The following MYH14 variants were observed in gnomAD, a reference collection of about 807,000 sequenced individuals.
MYH14 encodes myosin-14.
In MYH14, 123 loss-of-function variants were observed where a neutral mutation model predicts 255.5. The ratio of observed to expected loss-of-function variants is 0.48; its 90% CI spans 0.42 to 0.56. The LOEUF is 0.56. MYH14 is among the 20% of genes least tolerant of loss of function. MYH14 has a pLI of 0.00. For missense variants in MYH14, 2,423 were observed against 2,802.3 expected, an observed-to-expected ratio of 0.86 and a Z score of 3.06; for synonymous variants, 1,095 against 1,161.2, an observed-to-expected ratio of 0.94 and a Z score of 1.16.
At chr19:50,231,274 C>A (rs924149599) in intron 9 of MYH14, among the ~76,000 whole-genome samples, 1 of 152,266 alleles carries the variant, frequency 6.6e-6, no homozygotes, top group African/African-American at 2.4e-5. Flanking sequence ...CCTTTGAGAC[C>A]GCATGTCCTT....
intron 22 of MYH14, among the ~76,000 whole-genome samples, chr19:50,264,083 AGGTT>A (rs2034993740): frequency 3.5e-5 from 4 of 114,690 alleles, no homozygotes; most frequent in Middle Eastern, 4.5e-3. Context: ...AAAAGAGCAA[AGGTT>A]AAAAAAAAAA....
At position 50,293,429 on chromosome 19, in the gene MYH14, G is replaced by A; in HGVS notation, c.5345+108G>A. The A allele has an allele frequency of 1.3e-6, 2 of 1,521,016 alleles. No individual in the cohort carries two copies. The highest frequency in any genetic ancestry group is 1.2e-5 in the South Asian group (1 of 83,916). 94.2% of individuals were successfully genotyped at this position (1,521,016 alleles called of 1,614,324 possible). ...GGGACAGGAAACTGGGAGGTGGGCG[G>A]GGTTAACCTCGGGGCCCCTGGGGTG... On this transcript the variant is annotated intron_variant, in intron 38 of 42. Coordinates refer to ENST00000642316, the MANE Select transcript of MYH14 (RefSeq NM_001145809.2). This position sits in a 1 kb window ranked among gnomAD's most constrained non-coding sequence, Gnocchi z 4.1.
Position 50,293,318 on chromosome 19 carries a change from G to A in MYH14, c.5342G>A (p.Ser1781Asn). 1 of 1,600,834 alleles carries A rather than the reference G, an allele frequency of 6.2e-7. No individual in the cohort carries two copies. The change falls in exon 38 of 43, where the codon AGC becomes AAC. Residue 1781 changes from serine (S) to asparagine (N), a missense_variant. Around this residue, in one of 3 missense-constraint regions of MYH14, gnomAD observed 1,513 missense variants for 1,674.8 expected, o/e 0.90. Coordinates refer to ENST00000642316, the MANE Select transcript of MYH14 (RefSeq NM_001145809.2). The surrounding 1 kb of genome is among the most constrained non-coding windows in gnomAD (Gnocchi z 4.1). ...GATGAGGTGGCCAATGGTAACCTTA[G>A]CAAGTAAGTGCCCCAAGGGTCTGAA... ...MADEVANGNL[S>N]KAAILEEKRQ...
chr19:50,267,423 G>A (rs886265129), intron 23 of MYH14, among the ~76,000 whole-genome samples: 3 of 151,996 alleles, frequency 2.0e-5, no homozygotes, highest in Non-Finnish European at 4.4e-5. Context: ...AGGCTGACGC[G>A]GGCAGATCAC....
Position 50,280,304 on chromosome 19 carries a change from C to G in MYH14, c.4211C>G (p.Ala1404Gly), listed in dbSNP as rs1601013962. 6.4e-7 allele frequency: 1 copy of G among 1,550,948 alleles called. No homozygotes were observed. The highest frequency in any genetic ancestry group is 1.8e-4 in the Middle Eastern group (1 of 5,546). ...GTGCGAGCCATGGAGGCTGAGGCAG[C>G]CGGGCTGCGTGAGCAGCTGGAGGAG... ...SRVRAMEAEA[A>G]GLREQLEEEA... Residue 1404 changes from alanine (A) to glycine (G), a missense_variant, in exon 32 of 43, where the codon GCC (alanine) becomes GGC (glycine). Physicochemically the swap from Ala to Gly is moderately conservative, Grantham distance 60. Around this residue, in one of 3 missense-constraint regions of MYH14, gnomAD observed 1,513 missense variants for 1,674.8 expected, o/e 0.90. Coordinates refer to ENST00000642316, the MANE Select transcript of MYH14 (RefSeq NM_001145809.2). This position sits in a 1 kb window ranked among gnomAD's most constrained non-coding sequence, Gnocchi z 4.8.
intron 11 of MYH14, among the ~76,000 whole-genome samples, chr19:50,245,841 C>T (rs531980896): frequency 1.4e-4 from 22 of 152,214 alleles, no homozygotes; most frequent in Non-Finnish European, 2.6e-4. Context: ...GAGTCAGACC[C>T]TGCAAACTGT....
In MYH14 at chr19:50,217,689, G is replaced by C; in HGVS notation, c.480G>C (p.Glu160Asp). The change falls in exon 3 of 43, where the codon GAG (glutamate) becomes GAC (aspartate). Residue 160 changes from glutamate to aspartate, a missense_variant. Coordinates refer to ENST00000642316, the MANE Select transcript of MYH14 (RefSeq NM_001145809.2). ...CCATCTACACAGAAGCCATTGTGGAGATGTACCGGGGCAAGAAGCGCCACG... is the reference window on the plus strand; with the variant it reads ...CCATCTACACAGAAGCCATTGTGGACATGTACCGGGGCAAGAAGCGCCACG... ...QLPIYTEAIV[E>D]MYRGKKRHEV... 6.2e-7 allele frequency: 1 copy of C among 1,614,022 alleles called. No homozygotes were observed. Among genetic ancestry groups the C allele is most frequent in the Non-Finnish European group, 8.5e-7 (1 of 1,179,904 alleles).
chr19:50,228,142 C>T (rs2033196960), intron 8 of MYH14, among the ~76,000 whole-genome samples: 1 of 151,802 alleles, frequency 6.6e-6, no homozygotes, highest in African/African-American at 2.4e-5. Flanking sequence ...AAAAATTAGC[C>T]GGGCGTGGTG....
chr19:50,269,312 T>A (rs1176652689), intron 24 of MYH14, among the ~76,000 whole-genome samples: 1 of 152,186 alleles, frequency 6.6e-6, no homozygotes, highest in Non-Finnish European at 1.5e-5. Context: ...CAGCAGTATC[T>A]GGGATTACAG....
intron 1 of MYH14, among the ~76,000 whole-genome samples, chr19:50,207,529 A>C (rs2123142863): frequency 6.6e-6 from 1 of 151,866 alleles, no homozygotes; most frequent in African/African-American, 2.4e-5. Context: ...TCCTCCAGGC[A>C]GGGCTCCCAG....
At chr19:50,305,807 C>T (rs1481801716) in intron 40 of MYH14, among the ~76,000 whole-genome samples, 1 of 152,060 alleles carries the variant, frequency 6.6e-6, no homozygotes, top group South Asian at 2.1e-4. Context: ...TGGCACACAC[C>T]TGTAGTCCTA....
chr19:50,268,240 G>A lies in MYH14; in HGVS notation c.2906G>A (p.Gly969Glu), dbSNP rs1468188981. ...ELCAEAEETR[G>E]RLAARKQELE... ...TGTGCAGAGGCCGAGGAGACGCGGG[G>A]GAGGCTGGCAGCCCGCAAGCAGGAG... Residue 969 changes from glycine (G) to glutamate (E), a missense_variant, in exon 24 of 43, where the codon GGG becomes GAG. This residue lies in a region of MYH14 where 1,513 missense variants were observed against 1,674.8 expected (regional missense o/e 0.90). Transcript: ENST00000642316. 1 of 1,566,170 alleles carries A rather than the reference G, an allele frequency of 6.4e-7. No individual in the cohort carries two copies. Among genetic ancestry groups the A allele is most frequent in the East Asian group, 2.4e-5 (1 of 41,884 alleles).
chr19:50,250,337 G>A lies in MYH14; in HGVS notation c.1657-178G>A, dbSNP rs1201309729. On this transcript the variant is annotated intron_variant, in intron 14 of 42. Coordinates refer to ENST00000642316, the MANE Select transcript of MYH14 (RefSeq NM_001145809.2). This position sits in a 1 kb window ranked among gnomAD's most constrained non-coding sequence, Gnocchi z 5.4. ...AGGATGGTCTCGATCTCCTGACCTC[G>A]TGATCTACCCGCCTCGGCCTCCCAA... 2.0e-5 allele frequency among the ~76,000 whole-genome samples: 3 copies of A among 151,320 alleles called. No individual in the cohort carries two copies. Among genetic ancestry groups the A allele is most frequent in the Non-Finnish European group, 4.4e-5 (3 of 67,822 alleles).
intron 3 of MYH14, among the ~76,000 whole-genome samples, chr19:50,220,127 C>T (rs969607604): frequency 5.3e-5 from 8 of 152,014 alleles, no homozygotes; most frequent in Non-Finnish European, 2.9e-5. Context: ...CTTCGAAACC[C>T]ATCGGTGCCG....
intron 2 of MYH14, among the ~76,000 whole-genome samples, chr19:50,212,128 G>C (rs963209013): frequency 3.3e-5 from 5 of 152,200 alleles, no homozygotes; most frequent in African/African-American, 1.2e-4. Flanking sequence ...GGATGGGGTA[G>C]AGCAGTGGTT....
At position 50,301,821 on chromosome 19, in the gene MYH14, T is replaced by A; in HGVS notation, c.5630T>A (p.Leu1877His). 1 of 1,613,784 alleles carries A rather than the reference T, an allele frequency of 6.2e-7. No individual in the cohort carries two copies. Among genetic ancestry groups the A allele is most frequent in the Non-Finnish European group, 8.5e-7 (1 of 1,179,828 alleles). Residue 1877 changes from leucine (L) to histidine (H), a missense_variant, in exon 40 of 43, where the codon CTT becomes CAT. By Grantham distance (99) the Leu-to-His change is moderately conservative. Coordinates refer to ENST00000642316, the MANE Select transcript of MYH14 (RefSeq NM_001145809.2). ...RARHKMTIAA[L>H]ESKLAQAEEQ... is the part of the protein sequence containing the mutation. ...CGCCACAAGATGACCATTGCTGCCC[T>A]TGAGTCTAAGTTGGCCCAGGCTGAG...
rs869049808 is a variant in MYH14 at position 50,297,491 on chromosome 19, C to CTTTTTTTTTTTT, written c.5469+3816_5469+3827dup. Among the ~76,000 whole-genome samples the CTTTTTTTTTTTT allele has an allele frequency of 2.8e-4, 21 of 74,342 alleles. 2 individuals are homozygous for CTTTTTTTTTTTT. The highest frequency in any genetic ancestry group is 9.3e-4 in the Admixed American group (4 of 4,288). 48.8% of individuals were successfully genotyped at this position (74,342 alleles called of 152,430 possible). On this transcript the variant is annotated intron_variant, in intron 39 of 42. Transcript: ENST00000642316. ...TCTTTGTGGCTCTGTCTCATCTCCTCTTTTTTTTTTTTTTTTTTTTTTTGA... is the reference window on the plus strand; with the variant it reads ...TCTTTGTGGCTCTGTCTCATCTCCTCTTTTTTTTTTTTTTTTTTTTTTTTTTTTTTTTTTTGA...
intron 33 of MYH14, among the ~76,000 whole-genome samples, chr19:50,282,286 C>A (rs887928559): frequency 6.6e-6 from 1 of 152,224 alleles, no homozygotes; most frequent in Non-Finnish European, 1.5e-5. Flanking sequence ...ATAAAAATCA[C>A]AGAACCTTAG....
intron 39 of MYH14, among the ~76,000 whole-genome samples, chr19:50,301,390 A>G (rs2036475429): frequency 6.6e-6 from 1 of 152,216 alleles, no homozygotes; most frequent in Admixed American, 6.5e-5. Flanking sequence ...TGACATTTAA[A>G]CAAGTTTGTG....
Sources: allele counts gnomAD v4.1 joint callset (sites outside exome capture counted in the v4.1 genomes callset), GRCh38; gene constraint gnomAD v4.1.1; regional missense constraint gnomAD v4.1.1; non-coding constraint Gnocchi (gnomAD v3.1); transcripts MANE v1.5; gene names NCBI Gene and HGNC (gene_info 2026-07-23, HGNC 2026-07-21).